Variants in CEP44 observed in about 807,000 individuals in gnomAD.
The protein encoded by CEP44 is centrosomal protein 44.
A neutral mutation model predicts 46.7 loss-of-function variants in CEP44; 45 were observed. The ratio of observed to expected loss-of-function variants is 0.96; its 90% CI spans 0.76 to 1.24. The LOEUF is 1.24. CEP44 is among the 50% of genes most tolerant of loss of function. The pLI is 0.00. For missense variants in CEP44, 475 were observed against 459.7 expected (o/e 1.03, Z -0.30); for synonymous variants, 142 against 146.0 (o/e 0.97, Z 0.20).
chr4:174,313,381 G>GAA (rs536148825), intron 9 of CEP44, among the ~76,000 whole-genome samples: 11 of 131,290 alleles, frequency 8.4e-5, no homozygotes, highest in South Asian at 2.4e-4. Flanking sequence ...TCCCTCAGAG[G>GAA]AAAAAAAAAA....
chr4:174,319,623 AAGT>A lies in CEP44; in HGVS notation c.*2242_*2244del. On this transcript the variant is annotated 3_prime_UTR_variant, in exon 12 of 12. Coordinates refer to ENST00000503780, the MANE Select transcript of CEP44 (RefSeq NM_001040157.3). ...TATATACAGTGTGCAAAATATAAGT[AAGT>A]ATATATTGAAAATATAAAATATTTC... The A allele has an allele frequency of 3.0e-6, 2 of 655,852 alleles. No individual in the cohort carries two copies. The highest frequency in any genetic ancestry group is 3.8e-6 in the Non-Finnish European group (2 of 528,828). The allele number at this position is 655,852 out of a possible 1,614,324, so 40.6% of individuals were successfully genotyped here.
chr4:174,301,425 G>A lies in CEP44; in HGVS notation c.90-614G>A, dbSNP rs1739693381. ...AAGCTTCATGGGAAGCTTGAGATTT[G>A]ATGAATGATTTGTAAAAAATAAATA... On this transcript the variant is annotated intron_variant, in intron 3 of 11. Transcript: ENST00000503780. This position sits in a 1 kb window ranked among gnomAD's most constrained non-coding sequence, Gnocchi z 4.3. 6.6e-6 allele frequency among the ~76,000 whole-genome samples: 1 copy of A among 152,224 alleles called. No individual in the cohort carries two copies. The highest frequency in any genetic ancestry group is 6.5e-5 in the Admixed American group (1 of 15,290).
chr4:174,306,420 A>G (rs1740407831), intron 6 of CEP44, among the ~76,000 whole-genome samples: 1 of 152,166 alleles, frequency 6.6e-6, no homozygotes, highest in African/African-American at 2.4e-5. Context: ...ATTTACAAAC[A>G]TACCCATCAT....
rs914987391 is a variant in CEP44 at position 174,319,027 on chromosome 4, T to A, written c.*1644T>A. Reference sequence around the variant, plus strand: ...TTTCACCATGTTGCCCAGTCTGTTCTCAAACTCGTGAGCTAAAGCTACTCG... The same window carrying A: ...TTTCACCATGTTGCCCAGTCTGTTCACAAACTCGTGAGCTAAAGCTACTCG... On this transcript the variant is annotated 3_prime_UTR_variant, in exon 12 of 12. Transcript: ENST00000503780. The A allele has an allele frequency of 1.1e-4, 51 of 475,926 alleles. No homozygotes were observed. Among genetic ancestry groups the A allele is most frequent in the Non-Finnish European group, 1.4e-4 (50 of 364,906 alleles). 29.5% of individuals were successfully genotyped at this position (475,926 alleles called of 1,614,324 possible).
At chr4:174,303,914 T>C (rs1579111473) in intron 5 of CEP44, 65 bp downstream of exon 5, 2 of 1,134,926 alleles carry the variant, frequency 1.8e-6, no homozygotes, top group Non-Finnish European at 2.5e-6. Context: ...TATTTTAATG[T>C]ATAAAATCAA....
intron 6 of CEP44, among the ~76,000 whole-genome samples, chr4:174,304,813 C>T (rs530770625): frequency 1.9e-4 from 29 of 152,248 alleles, no homozygotes; most frequent in Admixed American, 3.9e-4. Flanking sequence ...AGTCCCTACA[C>T]GTAGAATCTG....
In CEP44 at chr4:174,317,452, A is replaced by G. The variant is rs1579158103; in HGVS notation, c.*69A>G. 13 of 1,305,324 alleles carry G rather than the reference A, an allele frequency of 1.0e-5. No homozygotes were observed. In the East Asian group the frequency reaches 3.4e-4, roughly 34 times the overall value. 80.9% of individuals were successfully genotyped at this position (1,305,324 alleles called of 1,614,324 possible). On this transcript the variant is annotated 3_prime_UTR_variant, in exon 12 of 12. Transcript: ENST00000503780. ...ATATTGTATATTTTAAGAATTCTTTATACAATTTTAATATACTGCAATACT... is the reference window on the plus strand; with the variant it reads ...ATATTGTATATTTTAAGAATTCTTTGTACAATTTTAATATACTGCAATACT...
Position 174,302,072 on chromosome 4 carries a change from C to T in CEP44, c.123C>T (p.Pro41=), listed in dbSNP as rs368751627. The change falls in exon 4 of 12, where the codon CCC becomes CCT. Residue 41 remains proline (P), a synonymous_variant. Coordinates refer to ENST00000503780, the MANE Select transcript of CEP44 (RefSeq NM_001040157.3). ...LIKGDPAASL[P]IISYSFTSYS... ...AGGGAGACCCAGCAGCATCTTTGCCCATCATCAGCTATTCTTTTACCTCAT... is the reference window on the plus strand; with the variant it reads ...AGGGAGACCCAGCAGCATCTTTGCCTATCATCAGCTATTCTTTTACCTCAT... 19 of 1,609,920 alleles carry T rather than the reference C, an allele frequency of 1.2e-5. No homozygotes were observed. In the Admixed American group the frequency reaches 1.9e-4, roughly 16 times the overall value.
Position 174,319,987 on chromosome 4 carries a change from G to C in CEP44, c.*2604G>C. ...ATTACCTAGAGCTACATAACCCTAA[G>C]TTAAGTAAAATTTTCACTTTCATTC... On this transcript the variant is annotated 3_prime_UTR_variant, in exon 12 of 12. Coordinates refer to ENST00000503780, the MANE Select transcript of CEP44 (RefSeq NM_001040157.3). 1 of 985,288 alleles carries C rather than the reference G, an allele frequency of 1.0e-6. No individual in the cohort carries two copies. The highest frequency in any genetic ancestry group is 4.7e-5 in the South Asian group (1 of 21,278). 61.0% of individuals were successfully genotyped at this position (985,288 alleles called of 1,614,324 possible). A position where few individuals can be genotyped will look rare whatever the true frequency, so the allele number is the denominator to read the frequency against.
rs2126680943 is a variant in CEP44 at position 174,319,426 on chromosome 4, G to A, written c.*2043G>A. On this transcript the variant is annotated 3_prime_UTR_variant, in exon 12 of 12. Transcript: ENST00000503780. ...AAAACAAGTGATTTCCCATCAAACA[G>A]GATAATATTTTTTCCCTTTTGAAAA... The A allele has an allele frequency of 2.0e-6, 2 of 982,504 alleles. No individual in the cohort carries two copies. Among genetic ancestry groups the A allele is most frequent in the Non-Finnish European group, 2.4e-6 (2 of 827,356 alleles). The allele number at this position is 982,504 out of a possible 1,614,324, so 60.9% of individuals were successfully genotyped here.
At position 174,304,242 on chromosome 4, in the gene CEP44, T is replaced by C. The variant is rs536140507; in HGVS notation, c.385-5T>C. 6.3e-7 allele frequency: 1 copy of C among 1,577,606 alleles called. No individual in the cohort carries two copies. The highest frequency in any genetic ancestry group is 1.2e-5 in the South Asian group (1 of 83,192). The stretch of plus-strand genomic sequence containing the variant: ...TGTTATTTTGACTAATACCTTTTTT[T>C]TTAGATTCCATCACAACAAAGAAAG... On this transcript the variant is annotated splice_region_variant and splice_polypyrimidine_tract_variant and intron_variant, in intron 5 of 11. Coordinates refer to ENST00000503780, the MANE Select transcript of CEP44 (RefSeq NM_001040157.3).
At chr4:174,294,287 C>G (rs1738586729) in intron 1 of CEP44, among the ~76,000 whole-genome samples, 1 of 151,806 alleles carries the variant, frequency 6.6e-6, no homozygotes, top group Admixed American at 6.6e-5. Context: ...TAACAAAGCA[C>G]ATCTTGCACC....
chr4:174,309,738 G>A lies in CEP44; in HGVS notation c.679-112G>A. On this transcript the variant is annotated intron_variant, in intron 7 of 11. Transcript: ENST00000503780. This position sits in a 1 kb window ranked among gnomAD's most constrained non-coding sequence, Gnocchi z 5.3. ...CAGAGATAGCTCTCTTAACTCTCAA[G>A]CAGGACGGTCTCTCCTAACTGTTGA... 1 of 713,086 alleles carries A rather than the reference G, an allele frequency of 1.4e-6. No individual in the cohort carries two copies. Among genetic ancestry groups the A allele is most frequent in the Non-Finnish European group, 2.3e-6 (1 of 439,150 alleles). 44.2% of individuals were successfully genotyped at this position (713,086 alleles called of 1,614,324 possible).
rs1407606297 is a variant in CEP44, at chr4:174,310,397, T to C, written c.885+341T>C. Among the ~76,000 whole-genome samples the C allele has an allele frequency of 6.6e-6, 1 of 151,996 alleles. No homozygotes were observed. Among genetic ancestry groups the C allele is most frequent in the East Asian group, 1.9e-4 (1 of 5,206 alleles). The stretch of plus-strand genomic sequence containing the variant: ...GTACAAATAACCTATTTTCATAGGG[T>C]AGAAAAGATACAGAAGATATAGGTA... On this transcript the variant is annotated intron_variant, in intron 8 of 11. Transcript: ENST00000503780. This position sits in a 1 kb window ranked among gnomAD's most constrained non-coding sequence, Gnocchi z 4.2.
chr4:174,322,567 G>A (rs543466079), downstream of CEP44, among the ~76,000 whole-genome samples: 37 of 152,230 alleles, frequency 2.4e-4, no homozygotes, highest in African/African-American at 8.7e-4. Context: ...GTTGCTCAAG[G>A]TTGTCCTCCC....
At chr4:174,327,872 A>G (rs1731066074) in intron 8 of CEP44, among the ~76,000 whole-genome samples, 1 of 152,220 alleles carries the variant, frequency 6.6e-6, no homozygotes, top group Non-Finnish European at 1.5e-5. Flanking sequence ...ACCACCTACA[A>G]GCTAAATCTG....
Position 174,318,579 on chromosome 4 carries a change from T to A in CEP44, c.*1196T>A. The A allele has an allele frequency of 1.2e-6, 1 of 815,088 alleles. No individual in the cohort carries two copies. The highest frequency in any genetic ancestry group is 1.5e-6 in the Non-Finnish European group (1 of 675,768). The allele number at this position is 815,088 out of a possible 1,614,324, so 50.5% of individuals were successfully genotyped here. On this transcript the variant is annotated 3_prime_UTR_variant, in exon 12 of 12. Transcript: ENST00000503780. ...GTAATCAGAAAATCCTCAAGAAAAT[T>A]GACTTCATTATTTGGAAGGAAAATT... is the stretch of plus-strand genomic sequence containing the variant.
chr4:174,301,536 G>GT lies in CEP44; in HGVS notation c.90-502dup, dbSNP rs755966193. 5.9e-5 allele frequency among the ~76,000 whole-genome samples: 9 copies of GT among 152,314 alleles called. No individual in the cohort carries two copies. The highest frequency in any genetic ancestry group is 1.2e-4 in the Non-Finnish European group (8 of 68,002). Reference sequence around the variant, plus strand: ...AATAATATACGATTTAGAAGGAGCAGTAAGTGAAAAGTAATAGACTGGTCA... The same window carrying GT: ...AATAATATACGATTTAGAAGGAGCAGTTAAGTGAAAAGTAATAGACTGGTCA... On this transcript the variant is annotated intron_variant, in intron 3 of 11. Transcript: ENST00000503780. This position sits in a 1 kb window ranked among gnomAD's most constrained non-coding sequence, Gnocchi z 4.3.
At chr4:174,332,813 G>C (rs1254137164) in exon 9 of CEP44, 1 of 152,096 alleles carries the variant, frequency 6.6e-6, no homozygotes, top group Non-Finnish European at 1.5e-5. Context: ...GTGTATTTTG[G>C]GGGTAATAAA....
Sources: gnomAD v4.1 joint callset for allele counts (sites outside exome capture counted in the v4.1 genomes callset) on GRCh38, gnomAD v4.1.1 for gene constraint, Gnocchi (gnomAD v3.1) non-coding constraint, MANE v1.5 for transcripts, NCBI Gene and HGNC (gene_info 2026-07-23, HGNC 2026-07-21) for gene names.